The following USP34 variants were observed in gnomAD, a reference collection of about 807,000 sequenced individuals.
The protein encoded by USP34 is ubiquitin specific peptidase 34.
USP34 carries 70 observed loss-of-function variants against 460.3 expected under a neutral mutation model. That is an observed-to-expected ratio of 0.15 (90% confidence interval 0.13 to 0.19). The LOEUF is 0.19. Among genes scored for constraint, USP34 ranks in the 10% least tolerant of loss-of-function variants. The pLI is 1.00. For missense variants in USP34, 3,985 were observed against 4,236.2 expected (o/e 0.94, Z 1.65); for synonymous variants, 1,647 against 1,405.3 (o/e 1.17, Z -3.85).
intron 5 of USP34, among the ~76,000 whole-genome samples, chr2:61,391,427 G>A (rs193225375): frequency 1.3e-5 from 2 of 152,160 alleles, no homozygotes; most frequent in South Asian, 2.1e-4. Context: ...CTGAATGTGT[G>A]ATTTAGTATA....
At chr2:61,308,299 A>G (rs1191909480) in intron 27 of USP34, among the ~76,000 whole-genome samples, 1 of 152,184 alleles carries the variant, frequency 6.6e-6, no homozygotes, top group African/African-American at 2.4e-5. Flanking sequence ...TTAATCTCAA[A>G]AAGATTTCAA....
chr2:61,447,354 T>C (rs1315208486), intron 1 of USP34, among the ~76,000 whole-genome samples: 1 of 151,356 alleles, frequency 6.6e-6, no homozygotes, highest in African/African-American at 2.4e-5. Context: ...TTCAAGTTCA[T>C]GGTGTCAGGT....
intron 75 of USP34, among the ~76,000 whole-genome samples, chr2:61,196,632 G>A (rs538805013): frequency 3.3e-5 from 5 of 152,068 alleles, no homozygotes; most frequent in Admixed American, 1.3e-4. Flanking sequence ...CCCAGGCTCA[G>A]ATGATTCTCC....
intron 48 of USP34, among the ~76,000 whole-genome samples, chr2:61,254,485 G>A (rs1688668262): frequency 6.6e-6 from 1 of 152,198 alleles, no homozygotes; most frequent in African/African-American, 2.4e-5. Flanking sequence ...TAAAAATGCA[G>A]GCTGGCCTAA....
At chr2:61,340,125 A>G (rs947150293) in intron 16 of USP34, among the ~76,000 whole-genome samples, 2 of 148,660 alleles carry the variant, frequency 1.3e-5, no homozygotes, top group African/African-American at 5.2e-5. Flanking sequence ...CTAAGTGTGA[A>G]TAAGACAACA....
intron 16 of USP34, among the ~76,000 whole-genome samples, chr2:61,342,350 G>A (rs1293407582): frequency 6.5e-5 from 9 of 138,300 alleles, no homozygotes; most frequent in African/African-American, 2.4e-4. Context: ...ATCCAGGCTG[G>A]AGTGCAGTGG....
chr2:61,190,639 C>G lies in USP34; in HGVS notation c.9608G>C (p.Cys3203Ser). The change falls in exon 77 of 80, where the codon TGC becomes TCC. Residue 3203 changes from cysteine (C) to serine (S), a missense_variant. Transcript: ENST00000398571. The part of the protein sequence containing the change: ...CQTQSAMSKN[C>S]IKLLCEDPVF... ...AGGATCTTCACACAAAAGCTTGATG[C>G]AGTTTTTTGACATAGCAGACTAAAG... is the stretch of plus-strand genomic sequence containing the variant. The G allele has an allele frequency of 3.1e-6, 5 of 1,613,668 alleles. No individual in the cohort carries two copies. The highest frequency in any genetic ancestry group is 4.2e-6 in the Non-Finnish European group (5 of 1,179,872).
chr2:61,393,103 A>G (rs1369133478), intron 5 of USP34, among the ~76,000 whole-genome samples: 1 of 152,168 alleles, frequency 6.6e-6, no homozygotes, highest in African/African-American at 2.4e-5. Flanking sequence ...AAGTAGATGG[A>G]TATCATCATC....
Position 61,348,105 on chromosome 2 carries a change from A to C in USP34, c.2050T>G (p.Ser684Ala). ...DLVFNTESLP[S>A]VDNRMRMLDA... Reference sequence around the variant, plus strand: ...AGCATTCGCATTCGATTATCTACTGATGGCAATGATTCAGTGTTAAAAACC... The same window carrying C: ...AGCATTCGCATTCGATTATCTACTGCTGGCAATGATTCAGTGTTAAAAACC... Residue 684 changes from serine to alanine, a missense_variant, in exon 15 of 80, where the codon TCA becomes GCA. Around this residue, in one of 14 missense-constraint regions of USP34, gnomAD observed 716 missense variants for 626.2 expected, o/e 1.14. Coordinates refer to ENST00000398571, the MANE Select transcript of USP34 (RefSeq NM_014709.4). 1 of 1,614,146 alleles carries C rather than the reference A, an allele frequency of 6.2e-7. No homozygotes were observed.
At chr2:61,443,618 A>G (rs1428939185) in intron 1 of USP34, among the ~76,000 whole-genome samples, 1 of 152,224 alleles carries the variant, frequency 6.6e-6, no homozygotes, top group Non-Finnish European at 1.5e-5. Flanking sequence ...ATGTAGTAGG[A>G]AAGGCAGAAC....
intron 41 of USP34, among the ~76,000 whole-genome samples, chr2:61,267,162 G>A (rs374929581): frequency 1.1e-3 from 172 of 152,212 alleles, no homozygotes; most frequent in African/African-American, 3.9e-3. Context: ...TCCAGACTTC[G>A]CCTTGACACC....
At chr2:61,294,162 G>GGT (rs963093498) in intron 32 of USP34, among the ~76,000 whole-genome samples, 16 of 151,932 alleles carry the variant, frequency 1.1e-4, no homozygotes, top group Admixed American at 8.5e-4. Flanking sequence ...TGGCTAACAT[G>GGT]GTGAAACCCC....
At chr2:61,390,914 G>A (rs1046026142) in intron 5 of USP34, among the ~76,000 whole-genome samples, 3 of 151,994 alleles carry the variant, frequency 2.0e-5, no homozygotes, top group East Asian at 1.9e-4. Context: ...GGCCAACATG[G>A]TGAAACCCCA....
At chr2:61,267,597 T>C (rs6724859) in intron 41 of USP34, among the ~76,000 whole-genome samples, 4,588 of 151,388 alleles carry the variant, frequency 0.03, 235 homozygotes, top group African/African-American at 0.11. Context: ...CACCTGCCAC[T>C]ACACCCAGCT....
intron 21 of USP34, among the ~76,000 whole-genome samples, chr2:61,320,078 AAAC>A (rs1223857295): frequency 6.6e-6 from 1 of 152,212 alleles, no homozygotes; most frequent in African/African-American, 2.4e-5. Context: ...GTTTAAACAC[AAAC>A]AATAACAAAT....
At chr2:61,198,076 A>G (rs1457121235) in intron 75 of USP34, among the ~76,000 whole-genome samples, 2 of 152,182 alleles carry the variant, frequency 1.3e-5, no homozygotes, top group African/African-American at 4.8e-5. Context: ...CCAGTTTTCC[A>G]TAATATTAAA....
At chr2:61,366,871 A>T (rs1692457393) in intron 10 of USP34, among the ~76,000 whole-genome samples, 1 of 152,114 alleles carries the variant, frequency 6.6e-6, no homozygotes, top group African/African-American at 2.4e-5. Context: ...AACAAGGCAA[A>T]GCCTCGTCTC....
Position 61,348,070 on chromosome 2 carries a change from A to G in USP34, c.2085T>C (p.Cys695=), listed in dbSNP as rs372790951. The G allele has an allele frequency of 2.4e-5, 38 of 1,614,206 alleles. No individual in the cohort carries two copies. In the East Asian group the frequency reaches 7.8e-4, roughly 33 times the overall value. The part of the protein sequence containing the change: ...VDNRMRMLDA[C]SHSEDPEHDI... ...CATGTTCTGGGTCTTCAGAGTGTGA[A>G]CAAGCATCCAGCATTCGCATTCGAT... Residue 695 remains cysteine (C), a synonymous_variant, in exon 15 of 80, where the codon TGT becomes TGC. Coordinates refer to ENST00000398571, the MANE Select transcript of USP34 (RefSeq NM_014709.4).
At chr2:61,341,755 CTTTTTTTTTTTTTT>C (rs896288474) in intron 16 of USP34, among the ~76,000 whole-genome samples, 1 of 91,750 alleles carries the variant, frequency 1.1e-5, no homozygotes, top group Non-Finnish European at 2.1e-5. Context: ...TCAGGTCTTT[CTTTTTTTTTTTTTT>C]TTTTTTTTTG....
Sources: allele counts gnomAD v4.1 joint callset (sites outside exome capture counted in the v4.1 genomes callset), GRCh38; gene constraint gnomAD v4.1.1; regional missense constraint gnomAD v4.1.1; transcripts MANE v1.5; gene names NCBI Gene and HGNC (gene_info 2026-07-23, HGNC 2026-07-21).